The following NCAM1 variants were observed in gnomAD, a reference collection of about 807,000 sequenced individuals.
NCAM1 encodes neural cell adhesion molecule 1.
In NCAM1, 14 loss-of-function variants were observed where a neutral mutation model predicts 109.8. The ratio of observed to expected loss-of-function variants is 0.13; its 90% CI spans 0.08 to 0.20. The LOEUF is 0.20. NCAM1 is among the 10% of genes least tolerant of loss of function. The pLI is 1.00. For missense variants in NCAM1, 774 were observed against 1,109.9 expected (o/e 0.70, Z 4.30); for synonymous variants, 418 against 442.9 (o/e 0.94, Z 0.70).
chr11:112,995,699 G>A (rs1555071315), intron 1 of NCAM1, among the ~76,000 whole-genome samples: 2 of 152,198 alleles, frequency 1.3e-5, no homozygotes, highest in African/African-American at 4.8e-5. Context: ...CAAAGATAGA[G>A]CAACTCTGCA....
intron 1 of NCAM1, among the ~76,000 whole-genome samples, chr11:113,088,796 A>G (rs1020498979): frequency 4.6e-5 from 7 of 152,162 alleles, no homozygotes; most frequent in Admixed American, 2.0e-4. Context: ...ACTTTTTGAA[A>G]TCCAGTTCCT....
intron 9 of NCAM1, among the ~76,000 whole-genome samples, chr11:113,224,390 C>T (rs553774322): frequency 3.9e-5 from 6 of 152,214 alleles, no homozygotes; most frequent in South Asian, 2.1e-4. Flanking sequence ...GGGGGAGGGG[C>T]GCCCGCCATT....
At chr11:112,968,884 C>T (rs781827916) in intron 1 of NCAM1, among the ~76,000 whole-genome samples, 2 of 152,160 alleles carry the variant, frequency 1.3e-5, no homozygotes, top group Non-Finnish European at 2.9e-5. Context: ...AATTCCTTAA[C>T]TCAACAAACC....
intron 1 of NCAM1, among the ~76,000 whole-genome samples, chr11:113,199,431 G>A (rs1555111424): frequency 6.6e-6 from 1 of 152,144 alleles, no homozygotes; most frequent in Non-Finnish European, 1.5e-5. Flanking sequence ...AGAATAATCA[G>A]CCATTGTGCT....
intron 1 of NCAM1, among the ~76,000 whole-genome samples, chr11:113,098,235 T>C (rs1939696720): frequency 6.6e-6 from 1 of 152,118 alleles, no homozygotes; most frequent in African/African-American, 2.4e-5. Context: ...AACACAGTTG[T>C]CCCTCGGTAT....
rs533142856 is a variant in NCAM1 at position 112,972,349 on chromosome 11, T to A, written c.52+10685T>A. ...TGGTCAGTACTTTGCGGGGTTTTTA[T>A]CACGCCCACAAGTATTTATGTGGCA... On this transcript the variant is annotated intron_variant, in intron 1 of 19. Transcript: ENST00000316851. Among the ~76,000 whole-genome samples the A allele has an allele frequency of 3.3e-5, 5 of 152,232 alleles. 1 individual carries two copies. The South Asian group carries it at 1.0e-3, about 32-fold the overall frequency.
intron 14 of NCAM1, among the ~76,000 whole-genome samples, chr11:113,236,861 G>C (rs1555118398): frequency 6.6e-6 from 1 of 152,216 alleles, no homozygotes; most frequent in African/African-American, 2.4e-5. Context: ...GGACTGGCCA[G>C]GGAGGCTCCT....
intron 1 of NCAM1, among the ~76,000 whole-genome samples, chr11:113,191,455 C>CAG (rs1395412787): frequency 1.3e-5 from 2 of 152,150 alleles, no homozygotes; most frequent in Non-Finnish European, 2.9e-5. Context: ...TCTTTTTCAT[C>CAG]AGAGTTAATT....
intron 1 of NCAM1, among the ~76,000 whole-genome samples, chr11:113,134,836 C>T (rs782817142): frequency 6.6e-6 from 1 of 152,094 alleles, no homozygotes; most frequent in Non-Finnish European, 1.5e-5. Flanking sequence ...GAATTCAAAT[C>T]GTGTTGCTTT....
chr11:113,110,638 T>G (rs2135949714), intron 1 of NCAM1, among the ~76,000 whole-genome samples: 1 of 152,310 alleles, frequency 6.6e-6, no homozygotes, highest in Non-Finnish European at 1.5e-5. Flanking sequence ...TGTTTACTAT[T>G]AATATTCCCA....
At chr11:113,110,383 CT>C (rs1288870534) in intron 1 of NCAM1, among the ~76,000 whole-genome samples, 1 of 152,168 alleles carries the variant, frequency 6.6e-6, no homozygotes, top group African/African-American at 2.4e-5. Flanking sequence ...TCTATGATTG[CT>C]TGGCCTCTTT....
chr11:112,981,158 C>T (rs1183974117), intron 1 of NCAM1, among the ~76,000 whole-genome samples: 1 of 151,738 alleles, frequency 6.6e-6, no homozygotes, highest in Non-Finnish European at 1.5e-5. Context: ...ATCTCTTCTC[C>T]TCATCTCCAC....
chr11:113,115,741 C>T (rs1364951363), intron 1 of NCAM1, among the ~76,000 whole-genome samples: 2 of 152,186 alleles, frequency 1.3e-5, no homozygotes, highest in Non-Finnish European at 2.9e-5. Flanking sequence ...TATTTACATG[C>T]ACTAGTCGAG....
At chr11:113,078,378 C>A (rs1938625639) in intron 1 of NCAM1, among the ~76,000 whole-genome samples, 1 of 150,932 alleles carries the variant, frequency 6.6e-6, no homozygotes, top group South Asian at 2.1e-4. Flanking sequence ...CCTGCAAAGA[C>A]CCTTTTGTTT....
chr11:113,161,805 G>C (rs562614056), intron 1 of NCAM1, among the ~76,000 whole-genome samples: 1 of 152,228 alleles, frequency 6.6e-6, no homozygotes, highest in Admixed American at 6.5e-5. Context: ...GCAGAACTGA[G>C]GGAGAAGAGA....
rs1555112725 is a variant in NCAM1 at position 113,205,632 on chromosome 11, A to G, written c.456A>G (p.Lys152=). The G allele has an allele frequency of 1.2e-6, 2 of 1,613,826 alleles. No individual in the cohort carries two copies. The highest frequency in any genetic ancestry group is 2.2e-5 in the South Asian group (2 of 91,048). ...CCCTCCCACCAACCATCATCTGGAAACACAAAGGCCGAGATGTCATCCTGA... is the reference window on the plus strand; with the variant it reads ...CCCTCCCACCAACCATCATCTGGAAGCACAAAGGCCGAGATGTCATCCTGA... ...VSSLPPTIIW[K]HKGRDVILKK... is the part of the protein sequence containing the mutation. The change falls in exon 4 of 20, where the codon AAA becomes AAG. Residue 152 remains lysine (K), a synonymous_variant. Transcript: ENST00000316851.
Position 113,072,823 on chromosome 11 carries a change from AT to A in NCAM1, c.52+111169del, listed in dbSNP as rs11425032. ...TTCTAAGTATTTTACATTGTTTTTT[AT>A]TTTTTTTTTCATTTTTTTGACTATG... On this transcript the variant is annotated intron_variant, in intron 1 of 19. Transcript: ENST00000316851. Among the ~76,000 whole-genome samples the A allele has an allele frequency of 6.7e-4, 98 of 145,602 alleles. 1 individual carries two copies. The highest frequency in any genetic ancestry group is 2.2e-3 in the African/African-American group (86 of 39,384).
At chr11:113,005,080 A>G (rs545903090) in intron 1 of NCAM1, among the ~76,000 whole-genome samples, 1 of 152,114 alleles carries the variant, frequency 6.6e-6, no homozygotes, top group African/African-American at 2.4e-5. Flanking sequence ...TAGATGTAGT[A>G]TATTCCTTTT....
chr11:113,125,339 A>G (rs965076490), intron 1 of NCAM1, among the ~76,000 whole-genome samples: 26 of 152,230 alleles, frequency 1.7e-4, no homozygotes, highest in Admixed American at 1.7e-3. Context: ...TAGAAATTCT[A>G]AACCCTAACA....
Sources: gnomAD v4.1 joint callset for allele counts (sites outside exome capture counted in the v4.1 genomes callset) on GRCh38, gnomAD v4.1.1 for gene constraint, MANE v1.5 for transcripts, NCBI Gene and HGNC (gene_info 2026-07-23, HGNC 2026-07-21) for gene names.